RP1L1: variants seen among roughly 807,000 people sequenced by gnomAD.
RP1L1 encodes retinitis pigmentosa 1-like 1 protein.
RP1L1 carries 27 observed loss-of-function variants against 15.7 expected under a neutral mutation model. The observed-to-expected ratio is 1.72, with a 90% CI of 1.27 to 2.38. The LOEUF (loss-of-function observed/expected upper bound fraction) is 2.38, where lower values mean the gene tolerates loss of function less well. Among genes scored for constraint, RP1L1 ranks in the 30% most tolerant of loss-of-function variants. The pLI is 0.00. For synonymous variants in RP1L1, 1,813 were observed against 1,276.7 expected (o/e 1.42, Z -8.96); for missense variants, 4,798 against 3,075.9 (o/e 1.56, Z -13.24).
chr8:10,614,906 C>T (rs1655439395), intron 3 of RP1L1, among the ~76,000 whole-genome samples: 1 of 152,104 alleles, frequency 6.6e-6, no homozygotes, highest in Non-Finnish European at 1.5e-5. Context: ...CACATGTACC[C>T]TAAAACTTAA....
chr8:10,613,389 G>C (rs760770315), intron 3 of RP1L1, 43 bp from the exon 4 acceptor site: 21 of 1,598,162 alleles, frequency 1.3e-5, no homozygotes, highest in Admixed American at 1.7e-5. Flanking sequence ...AAAAGACTGT[G>C]AGCCATGGGG....
Position 10,613,174 on chromosome 8 carries a change from G to C in RP1L1, c.924C>G (p.Asp308Glu). ...CATTCATGCGGACCTTCTTCTTCAT[G>C]TCATCGCCAGCCACCAGCGGGCCCG... is the stretch of plus-strand genomic sequence containing the variant. Reference protein sequence around the residue: ...AQSGPLVAGDDMKKKVRMNED... With the variant: ...AQSGPLVAGDEMKKKVRMNED... The change falls in exon 4 of 4, where the codon GAC becomes GAG. Residue 308 changes from aspartate (D) to glutamate (E), a missense_variant. Coordinates refer to ENST00000382483, the MANE Select transcript of RP1L1 (RefSeq NM_178857.6). 1 of 1,613,688 alleles carries C rather than the reference G, an allele frequency of 6.2e-7. No homozygotes were observed. Among genetic ancestry groups the C allele is most frequent in the Non-Finnish European group, 8.5e-7 (1 of 1,180,020 alleles).
chr8:10,613,611 A>C (rs1291695553), intron 3 of RP1L1, among the ~76,000 whole-genome samples: 2 of 142,304 alleles, frequency 1.4e-5, no homozygotes, highest in Non-Finnish European at 1.5e-5. Flanking sequence ...AAAAAAAAAA[A>C]AAAAAAAAAA....
chr8:10,619,172 G>A (rs1367580263), intron 2 of RP1L1, among the ~76,000 whole-genome samples: 2 of 152,184 alleles, frequency 1.3e-5, no homozygotes, highest in South Asian at 2.1e-4. Flanking sequence ...GACTGGCCCA[G>A]TACTGCAGAG....
At chr8:10,613,598 TCCAAAAAAAAAAA>T (rs1423416619) in intron 3 of RP1L1, among the ~76,000 whole-genome samples, 4,276 of 38,754 alleles carry the variant, frequency 0.11, 239 homozygotes, top group African/African-American at 0.22. Context: ...ACACCATCTC[TCCAAAAAAAAAAA>T]AAAAAAAAAA....
chr8:10,611,922 A>G lies in RP1L1; in HGVS notation c.2176T>C (p.Ser726Pro). 6.2e-7 allele frequency: 1 copy of G among 1,613,862 alleles called. No homozygotes were observed. The highest frequency in any genetic ancestry group is 8.5e-7 in the Non-Finnish European group (1 of 1,180,020). ...SGNLRPPSSG[S>P]LPSQDLLGTS... ...CCCAGAAGGTCCTGGGAAGGAAGAG[A>G]GCCCGAGGAGGGAGGTCTCAGGTTC... Residue 726 changes from serine to proline, a missense_variant, in exon 4 of 4, where the codon TCT becomes CCT. Physicochemically the swap from Ser to Pro is moderately conservative, Grantham distance 74. Transcript: ENST00000382483.
Position 10,608,272 on chromosome 8 carries a change from C to T in RP1L1, c.5826G>A (p.Glu1942=), listed in dbSNP as rs1797751235. The change falls in exon 4 of 4, where the codon GAG becomes GAA. Residue 1942 remains glutamate (E), a synonymous_variant. Coordinates refer to ENST00000382483, the MANE Select transcript of RP1L1 (RefSeq NM_178857.6). The part of the protein sequence containing the change: ...EPESEGAEAQ[E]AEEAAQEAEG... ...CTGCCTCCTGGGCCGCCTCTTCTGC[C>T]TCTTGGGCCTCTGCACCTTCTGACT... 6.3e-7 allele frequency: 1 copy of T among 1,595,184 alleles called. No homozygotes were observed. The highest frequency in any genetic ancestry group is 8.6e-7 in the Non-Finnish European group (1 of 1,167,284).
intron 3 of RP1L1, among the ~76,000 whole-genome samples, chr8:10,615,234 C>A (rs992406644): frequency 6.6e-6 from 1 of 152,216 alleles, no homozygotes; most frequent in African/African-American, 2.4e-5. Context: ...TGTTTCTGAG[C>A]TTTTCACAAA....
Position 10,610,067 on chromosome 8 carries a change from GTTT to G in RP1L1, c.4028_4030del (p.Glu1343_Thr1344delinsAla). The G allele has an allele frequency of 6.4e-6, 6 of 934,006 alleles. No individual in the cohort carries two copies. The Admixed American group carries it at 1.1e-4, about 17-fold the overall frequency. 57.9% of individuals were successfully genotyped at this position (934,006 alleles called of 1,614,324 possible). Reference sequence around the variant, plus strand: ...TTCTTCTTGCTGTCCTTCTCCTTCTGTTTCTTTAGTTTCCTCTAACTGCACCCC... The same window carrying G: ...TTCTTCTTGCTGTCCTTCTCCTTCTGCTTTAGTTTCCTCTAACTGCACCCC... On this transcript the variant is annotated inframe_deletion, in exon 4 of 4. Coordinates refer to ENST00000382483, the MANE Select transcript of RP1L1 (RefSeq NM_178857.6).
chr8:10,643,411 C>A (rs1359185007), intron 1 of RP1L1, among the ~76,000 whole-genome samples: 1 of 152,274 alleles, frequency 6.6e-6, no homozygotes, highest in South Asian at 2.1e-4. Context: ...GTACCTGGTA[C>A]ACAGTCGGTC....
At chr8:10,632,886 G>T (rs1798273469) in intron 1 of RP1L1, among the ~76,000 whole-genome samples, 1 of 152,116 alleles carries the variant, frequency 6.6e-6, no homozygotes, top group African/African-American at 2.4e-5. Flanking sequence ...CTTTAAGGAT[G>T]CCCAGCCCAT....
chr8:10,632,199 G>A (rs372062226), intron 1 of RP1L1, among the ~76,000 whole-genome samples: 1 of 152,102 alleles, frequency 6.6e-6, no homozygotes. Context: ...GCAACCAGGG[G>A]CACCAATGTC....
intron 2 of RP1L1, among the ~76,000 whole-genome samples, chr8:10,619,695 G>A (rs1206327731): frequency 6.6e-6 from 1 of 152,106 alleles, no homozygotes; most frequent in African/African-American, 2.4e-5. Flanking sequence ...AGAATGCCAA[G>A]GTGGGCAGAT....
chr8:10,627,025 A>G (rs1213829517), intron 1 of RP1L1, among the ~76,000 whole-genome samples: 2 of 152,314 alleles, frequency 1.3e-5, no homozygotes, highest in East Asian at 3.9e-4. Flanking sequence ...AAGTTGGAAC[A>G]TTGCTGGTGG....
In RP1L1 at chr8:10,623,340, G is replaced by C. The variant is rs192303821; in HGVS notation, c.-19-120C>G. Reference sequence around the variant, plus strand: ...CCCAAATGTGCTCCACTCCACTATGGAGAGGCAAGTGAATCTATTTGGATG... The same window carrying C: ...CCCAAATGTGCTCCACTCCACTATGCAGAGGCAAGTGAATCTATTTGGATG... On this transcript the variant is annotated intron_variant, in intron 1 of 3. Transcript: ENST00000382483. The C allele has an allele frequency of 8.0e-6, 6 of 745,370 alleles. No homozygotes were observed. In the East Asian group the frequency reaches 8.1e-5, roughly 10 times the overall value. The allele number at this position is 745,370 out of a possible 1,614,324, so 46.2% of individuals were successfully genotyped here.
chr8:10,647,295 G>T (rs769687436), intron 1 of RP1L1, among the ~76,000 whole-genome samples: 1 of 152,376 alleles, frequency 6.6e-6, no homozygotes, highest in South Asian at 2.1e-4. Context: ...AGCCTGCTAT[G>T]GTTGTCGCTC....
At chr8:10,638,994 A>G (rs1798369709) in intron 1 of RP1L1, among the ~76,000 whole-genome samples, 1 of 152,000 alleles carries the variant, frequency 6.6e-6, no homozygotes, top group South Asian at 2.1e-4. Context: ...AAAAATAAAA[A>G]ATTAGCTGGG....
intron 2 of RP1L1, among the ~76,000 whole-genome samples, chr8:10,617,079 G>C (rs1457553656): frequency 1.3e-5 from 2 of 152,062 alleles, no homozygotes; most frequent in Middle Eastern, 3.2e-3. Context: ...GTGGAGGGGA[G>C]AGGGGCTAGG....
chr8:10,644,211 G>A (rs1373086215), intron 1 of RP1L1, among the ~76,000 whole-genome samples: 6 of 151,740 alleles, frequency 4.0e-5, no homozygotes, highest in Non-Finnish European at 7.4e-5. Context: ...TACTGGGGCC[G>A]AGTGACCAGC....
Sources: allele counts gnomAD v4.1 joint callset (sites outside exome capture counted in the v4.1 genomes callset), GRCh38; gene constraint gnomAD v4.1.1; transcripts MANE v1.5; gene names NCBI Gene and HGNC (gene_info 2026-07-23, HGNC 2026-07-21).